PIK3R1: variants seen among roughly 807,000 people sequenced by gnomAD.
The protein encoded by PIK3R1 is phosphoinositide-3-kinase regulatory subunit 1, also known as phosphatidylinositol 3-kinase regulatory subunit alpha.
In PIK3R1, 29 loss-of-function variants were observed where a neutral mutation model predicts 98.0. That is an observed-to-expected ratio of 0.30 (90% CI 0.22 to 0.40). The LOEUF is 0.40. Among genes scored for constraint, PIK3R1 ranks in the 10% least tolerant of loss-of-function variants. The pLI is 1.00. For missense variants in PIK3R1, 596 were observed against 872.7 expected, an observed-to-expected ratio of 0.68 and a Z score of 3.99; for synonymous variants, 282 against 311.8, an observed-to-expected ratio of 0.90 and a Z score of 1.01.
At chr5:68,278,510 T>C (rs1229482781) in intron 4 of PIK3R1, among the ~76,000 whole-genome samples, 1 of 152,190 alleles carries the variant, frequency 6.6e-6, no homozygotes, top group Non-Finnish European at 1.5e-5. Flanking sequence ...AAACATTTAC[T>C]ATATGACTAA....
rs934523449 is a variant in PIK3R1 at position 68,227,106 on chromosome 5, G to A, written c.334+97G>A. The A allele has an allele frequency of 5.5e-6, 6 of 1,098,466 alleles. No individual in the cohort carries two copies. The Admixed American group carries it at 1.6e-4, about 29-fold the overall frequency. The allele number at this position is 1,098,466 out of a possible 1,614,324, so 68.0% of individuals were successfully genotyped here. On this transcript the variant is annotated intron_variant, in intron 2 of 15. Transcript: ENST00000521381. ...TTGAGTCGTTATGTTCTGGGCAGAA[G>A]TTACCTTGGCAACTGCACCTGAATT... is the stretch of plus-strand genomic sequence containing the variant.
Position 68,226,483 on chromosome 5 carries a change from G to T in PIK3R1, c.-193G>T. The T allele has an allele frequency of 1.8e-6, 1 of 549,852 alleles. No homozygotes were observed. The highest frequency in any genetic ancestry group is 3.2e-6 in the Non-Finnish European group (1 of 311,488). The allele number at this position is 549,852 out of a possible 1,614,324, so 34.1% of individuals were successfully genotyped here. ...GAGCCCTGTCTTCGGTCACACCATT[G>T]ATGGAGGACAGATGGACAGCCGTAT... On this transcript the variant is annotated 5_prime_UTR_variant, in exon 2 of 16. Coordinates refer to ENST00000521381, the MANE Select transcript of PIK3R1 (RefSeq NM_181523.3).
At chr5:68,237,322 T>A (rs1744701560) in intron 2 of PIK3R1, among the ~76,000 whole-genome samples, 1 of 152,192 alleles carries the variant, frequency 6.6e-6, no homozygotes, top group African/African-American at 2.4e-5. Context: ...AAAGACTGAG[T>A]ACAAATTGCC....
At chr5:68,286,349 CTG>C (rs2112215733) in intron 7 of PIK3R1, among the ~76,000 whole-genome samples, 1 of 152,298 alleles carries the variant, frequency 6.6e-6, no homozygotes, top group East Asian at 1.9e-4. Context: ...TTCGTGAAAA[CTG>C]TACTTTTGAT....
intron 7 of PIK3R1, chr5:68,291,641 T>G (rs1747401272): frequency 6.6e-6 from 1 of 152,326 alleles, no homozygotes; most frequent in Non-Finnish European, 1.5e-5. Flanking sequence ...TAGAGCACAA[T>G]TTATCCAACA....
intron 7 of PIK3R1, among the ~76,000 whole-genome samples, chr5:68,285,379 G>C (rs978724115): frequency 2.0e-5 from 3 of 152,158 alleles, no homozygotes; most frequent in African/African-American, 7.2e-5. Context: ...CAAGCACTAA[G>C]GTAGAGGGAA....
At chr5:68,233,238 C>G (rs775357288) in intron 2 of PIK3R1, among the ~76,000 whole-genome samples, 3 of 152,192 alleles carry the variant, frequency 2.0e-5, no homozygotes, top group Non-Finnish European at 4.4e-5. Context: ...CAGATGTTAG[C>G]AGTACAGCTG....
At chr5:68,252,353 G>A (rs1052220956) in intron 2 of PIK3R1, among the ~76,000 whole-genome samples, 25 of 135,984 alleles carry the variant, frequency 1.8e-4, no homozygotes, top group African/African-American at 7.3e-4. Context: ...GCTTGTTGCT[G>A]GTGAGATTAC....
At chr5:68,217,681 G>A (rs1357011988) in intron 1 of PIK3R1, 3 of 146,050 alleles carry the variant, frequency 2.1e-5, no homozygotes, top group African/African-American at 7.7e-5. Context: ...GCTAAAGTTT[G>A]GGAAGAAATG....
At chr5:68,258,064 A>T (rs911512664) in intron 2 of PIK3R1, among the ~76,000 whole-genome samples, 2 of 152,192 alleles carry the variant, frequency 1.3e-5, no homozygotes, top group African/African-American at 4.8e-5. Context: ...AGAAGAGTCA[A>T]TTAGGAGCTG....
chr5:68,286,861 G>A (rs1747099726), intron 7 of PIK3R1, among the ~76,000 whole-genome samples: 1 of 152,176 alleles, frequency 6.6e-6, no homozygotes, highest in African/African-American at 2.4e-5. Flanking sequence ...TCTAGCTTTA[G>A]AAAGGCTATT....
intron 2 of PIK3R1, among the ~76,000 whole-genome samples, chr5:68,240,927 A>G (rs971651943): frequency 6.6e-6 from 1 of 152,138 alleles, no homozygotes; most frequent in Non-Finnish European, 1.5e-5. Context: ...AACCCCACTC[A>G]TTCTATTTTC....
intron 2 of PIK3R1, among the ~76,000 whole-genome samples, chr5:68,266,987 C>T (rs1001127242): frequency 2.8e-4 from 42 of 152,144 alleles, no homozygotes; most frequent in African/African-American, 9.9e-4. Flanking sequence ...CTGGGTCATA[C>T]TTCGTATGAA....
At chr5:68,236,492 G>T (rs1005147970) in intron 2 of PIK3R1, among the ~76,000 whole-genome samples, 48 of 149,874 alleles carry the variant, frequency 3.2e-4, no homozygotes, top group African/African-American at 1.2e-3. Flanking sequence ...CTTGTGATCC[G>T]CCCACCTCGG....
intron 2 of PIK3R1, among the ~76,000 whole-genome samples, chr5:68,271,860 T>G (rs1489279070): frequency 1.3e-5 from 2 of 152,224 alleles, no homozygotes; most frequent in Non-Finnish European, 2.9e-5. Flanking sequence ...GCAAAATGAC[T>G]TAATCATACT....
chr5:68,279,495 ATTTTT>A (rs58796984), intron 4 of PIK3R1, 102 bp from the exon 5 acceptor site: 21 of 674,094 alleles, frequency 3.1e-5, no homozygotes, highest in Admixed American at 6.1e-5. Flanking sequence ...TTGCTTCCTT[ATTTTT>A]TTTTTTTTTT....
intron 2 of PIK3R1, among the ~76,000 whole-genome samples, chr5:68,246,810 A>T (rs114042659): frequency 0.017 from 2,653 of 152,242 alleles, 72 homozygotes; most frequent in African/African-American, 0.06. Flanking sequence ...GATTTCCAGG[A>T]CTTCTTTTTC....
intron 1 of PIK3R1, among the ~76,000 whole-genome samples, chr5:68,221,984 C>T (rs963478240): frequency 2.0e-5 from 3 of 152,144 alleles, no homozygotes; most frequent in Non-Finnish European, 4.4e-5. Flanking sequence ...TTCCTTTATA[C>T]CCTTTGTTAC....
At chr5:68,273,650 C>T (rs1309339241) in intron 3 of PIK3R1, 168 bp downstream of exon 3, 1 of 637,100 alleles carries the variant, frequency 1.6e-6, no homozygotes, top group African/African-American at 1.8e-5. Context: ...AAAAATGTCT[C>T]AGTCTATAAT....
Sources: gnomAD v4.1 joint callset for allele counts (sites outside exome capture counted in the v4.1 genomes callset) on GRCh38, gnomAD v4.1.1 for gene constraint, MANE v1.5 for transcripts, NCBI Gene and HGNC (gene_info 2026-07-23, HGNC 2026-07-21) for gene names.